Variants in SLC27A5 observed in about 807,000 individuals in gnomAD.
The protein encoded by SLC27A5 is long-chain fatty acid transport protein 5.
Under a neutral mutation model 63.1 loss-of-function variants are expected in SLC27A5, and 47 were observed. That is an observed-to-expected ratio of 0.74 (90% CI 0.59 to 0.95). The LOEUF (loss-of-function observed/expected upper bound fraction) is 0.95. SLC27A5 is among the 40% of genes least tolerant of loss of function. The pLI, the probability that SLC27A5 is intolerant of heterozygous loss-of-function variation, is 0.00. For synonymous variants in SLC27A5, 391 were observed against 403.8 expected, an observed-to-expected ratio of 0.97 and a Z score of 0.38; for missense variants, 940 against 921.0, an observed-to-expected ratio of 1.02 and a Z score of -0.27.
At chr19:58,511,231 GC>G in intron 1 of SLC27A5, 36 bp downstream of exon 1, 3 of 1,506,548 alleles carry the variant, frequency 2.0e-6, no homozygotes, top group Non-Finnish European at 1.8e-6. Flanking sequence ...CCCTGCCCTT[GC>G]CCCCTTCCAT....
At position 58,498,469 on chromosome 19, in the gene SLC27A5, G is replaced by C; in HGVS notation, c.*46C>G. 1 of 1,553,548 alleles carries C rather than the reference G, an allele frequency of 6.4e-7. No homozygotes were observed. Among genetic ancestry groups the C allele is most frequent in the Non-Finnish European group, 8.8e-7 (1 of 1,142,066 alleles). ...AAAGGGACACCGAGTGTGTTGGGGT[G>C]GGGGTGGCTGGCTTTGATCCCTACC... On this transcript the variant is annotated 3_prime_UTR_variant, in exon 10 of 10. Coordinates refer to ENST00000263093, the MANE Select transcript of SLC27A5 (RefSeq NM_012254.3).
chr19:58,511,033 G>T, intron 1 of SLC27A5, 103 bp from the exon 2 acceptor site: 1 of 1,033,132 alleles, frequency 9.7e-7, no homozygotes, highest in Non-Finnish European at 1.4e-6. Flanking sequence ...AGCTAGTAGA[G>T]AAAAGCATCC....
Position 58,511,409 on chromosome 19 carries a change from G to A in SLC27A5, c.547C>T (p.Gln183Ter), listed in dbSNP as rs964208349. The A allele has an allele frequency of 1.2e-6, 2 of 1,607,656 alleles. No individual in the cohort carries two copies. Among genetic ancestry groups the A allele is most frequent in the Admixed American group, 1.7e-5 (1 of 59,306 alleles). The change falls in exon 1 of 10, where the codon CAG becomes TAG. Residue 183 changes from glutamine to a stop codon, truncating the protein, a stop_gained. Transcript: ENST00000263093. LOFTEE classifies it high-confidence loss of function. ...EPTALLVLAS[Q>*]AVPALCMWLG... ...CACATACACAGGGCTGGAACGGCCTGGGAAGCCAGCACAAGGAGGGCAGTA... is the reference window on the plus strand; with the variant it reads ...CACATACACAGGGCTGGAACGGCCTAGGAAGCCAGCACAAGGAGGGCAGTA...
intron 6 of SLC27A5, among the ~76,000 whole-genome samples, 160 bp downstream of exon 6, chr19:58,500,179 A>G (rs2053257314): frequency 6.6e-6 from 1 of 151,960 alleles, no homozygotes; most frequent in Non-Finnish European, 1.5e-5. Context: ...CGGAGGCCCC[A>G]GATGGTGGTA....
chr19:58,500,269 C>T (rs1235425375), intron 6 of SLC27A5, 70 bp downstream of exon 6: 9 of 1,313,500 alleles, frequency 6.9e-6, no homozygotes, highest in Admixed American at 1.7e-5. Context: ...TTGAGCAGCT[C>T]GTTCCAGCCA....
Position 58,499,616 on chromosome 19 carries a change from A to T in SLC27A5, c.1543T>A (p.Ser515Thr), listed in dbSNP as rs765143824. The T allele has an allele frequency of 1.9e-6, 3 of 1,612,144 alleles. No homozygotes were observed. The highest frequency in any genetic ancestry group is 2.2e-5 in the South Asian group (2 of 91,016). The part of the protein sequence containing the change: ...FVGYRGPREL[S>T]ERKLVRNVRQ... Reference sequence around the variant, plus strand: ...ACGTTGCGCACCAGCTTCCGTTCCGACAGCTCTCGGGGGCCGCGGTAGCCC... The same window carrying T: ...ACGTTGCGCACCAGCTTCCGTTCCGTCAGCTCTCGGGGGCCGCGGTAGCCC... The change falls in exon 7 of 10, where the codon TCG becomes ACG. Residue 515 changes from serine (S) to threonine (T), a missense_variant. Transcript: ENST00000263093.
intron 3 of SLC27A5, among the ~76,000 whole-genome samples, chr19:58,503,136 C>A (rs1245667408): frequency 6.8e-6 from 1 of 147,614 alleles, no homozygotes; most frequent in African/African-American, 2.5e-5. Flanking sequence ...ACCTGGGAGG[C>A]GGAGCTTGCA....
chr19:58,502,246 G>T (rs2053282659), intron 3 of SLC27A5, among the ~76,000 whole-genome samples: 1 of 151,704 alleles, frequency 6.6e-6, no homozygotes, highest in Non-Finnish European at 1.5e-5. Context: ...GTGAGTAGAT[G>T]GATGGGTGAC....
chr19:58,511,168 C>T, intron 1 of SLC27A5, 100 bp downstream of exon 1: 2 of 1,254,988 alleles, frequency 1.6e-6, no homozygotes, highest in Middle Eastern at 2.9e-4. Context: ...TGAAAGTAGG[C>T]AGGTGGGGAC....
chr19:58,501,674 T>G (rs1174166102), intron 3 of SLC27A5, among the ~76,000 whole-genome samples: 2 of 152,170 alleles, frequency 1.3e-5, no homozygotes, highest in Non-Finnish European at 2.9e-5. Flanking sequence ...AAATATTAAA[T>G]TTTTTATTTT....
In SLC27A5 at chr19:58,511,667, T is replaced by A; in HGVS notation, c.289A>T (p.Ile97Phe). 1 of 1,592,016 alleles carries A rather than the reference T, an allele frequency of 6.3e-7. No homozygotes were observed. The change falls in exon 1 of 10, where the codon ATC becomes TTC. Residue 97 changes from isoleucine to phenylalanine, a missense_variant. Transcript: ENST00000263093. Reference protein sequence around the residue: ...LPADVIFLAKILHLGLKIRGC... With the variant: ...LPADVIFLAKFLHLGLKIRGC... ...CTGATCTTCAGGCCCAGGTGGAGGA[T>A]CTTGGCCAAGAAGATCACATCAGCC...
Position 58,498,631 on chromosome 19 carries a change from A to C in SLC27A5, c.1957T>G (p.Phe653Val), listed in dbSNP as rs1007194327. The C allele has an allele frequency of 2.5e-6, 4 of 1,614,016 alleles. No homozygotes were observed. The East Asian group carries it at 8.9e-5, about 36-fold the overall frequency. The part of the protein sequence containing the change: ...LMKTRLVREG[F>V]NVGIVVDPLF... ...GGGTCAACCACGATCCCCACATTGA[A>C]GCCCTCACGCACCAACCGGGTCTTC... Residue 653 changes from phenylalanine to valine, a missense_variant, in exon 10 of 10, where the codon TTC becomes GTC. Coordinates refer to ENST00000263093, the MANE Select transcript of SLC27A5 (RefSeq NM_012254.3).
intron 4 of SLC27A5, 194 bp from the exon 5 acceptor site, chr19:58,500,900 C>T: frequency 2.1e-6 from 3 of 1,410,686 alleles, no homozygotes; most frequent in Non-Finnish European, 2.8e-6. Context: ...AGAGGGTTAC[C>T]TGCAGGGGCG....
Position 58,498,890 on chromosome 19 carries a change from A to C in SLC27A5, c.1791T>G (p.Ala597=), listed in dbSNP as rs775274046. ...TCTGGCCGGGGGCTAGCTGCACAGCAGCCATGCCCACCTTACCCTCACAAC... is the reference window on the plus strand; with the variant it reads ...TCTGGCCGGGGGCTAGCTGCACAGCCGCCATGCCCACCTTACCCTCACAAC... ...VPGCEGKVGM[A]AVQLAPGQTF... The change falls in exon 9 of 10, where the codon GCT becomes GCG. Residue 597 remains alanine, a synonymous_variant. Transcript: ENST00000263093. The C allele has an allele frequency of 1.2e-6, 2 of 1,613,312 alleles. No individual in the cohort carries two copies. Among genetic ancestry groups the C allele is most frequent in the Non-Finnish European group, 8.5e-7 (1 of 1,180,024 alleles).
intron 6 of SLC27A5, 51 bp from the exon 7 acceptor site, chr19:58,499,741 C>CT: frequency 6.3e-7 from 1 of 1,576,428 alleles, no homozygotes. Context: ...GCCAAGCCCC[C>CT]TGCTGGAGGT....
chr19:58,507,676 G>C (rs1019942371), intron 3 of SLC27A5: 1 of 152,152 alleles, frequency 6.6e-6, no homozygotes, highest in Non-Finnish European at 1.5e-5. Context: ...ATAAGTGGAC[G>C]TGCAAGTAGG....
intron 3 of SLC27A5, among the ~76,000 whole-genome samples, chr19:58,505,978 C>G (rs915397873): frequency 6.6e-6 from 1 of 151,706 alleles, no homozygotes; most frequent in Non-Finnish European, 1.5e-5. Context: ...TGGTTAAACC[C>G]TGTCTCTACT....
Position 58,498,582 on chromosome 19 carries a change from G to C in SLC27A5, c.2006C>G (p.Ala669Gly), listed in dbSNP as rs145618122. The change falls in exon 10 of 10, where the codon GCC (alanine) becomes GGC (glycine). Residue 669 changes from alanine (A) to glycine (G), a missense_variant. Coordinates refer to ENST00000263093, the MANE Select transcript of SLC27A5 (RefSeq NM_012254.3). ...TGCCGTCAGGGGCCGGAAGGACTGGGCCCGGTTGTCCAGTACAAACAGAGG... is the reference window on the plus strand; with the variant it reads ...TGCCGTCAGGGGCCGGAAGGACTGGCCCCGGTTGTCCAGTACAAACAGAGG... ...VDPLFVLDNR[A>G]QSFRPLTAEM... 9,988 of 1,614,064 alleles carry C rather than the reference G, an allele frequency of 6.2e-3. 109 individuals carry two copies. Among genetic ancestry groups the C allele is most frequent in the Middle Eastern group, 0.022 (136 of 6,062 alleles).
intron 3 of SLC27A5, among the ~76,000 whole-genome samples, chr19:58,503,293 G>T (rs898147466): frequency 1.3e-5 from 2 of 151,964 alleles, no homozygotes; most frequent in African/African-American, 4.8e-5. Flanking sequence ...GAGTGAGGAA[G>T]TAGGTGAGTA....
Sources: allele counts gnomAD v4.1 joint callset (sites outside exome capture counted in the v4.1 genomes callset), GRCh38; gene constraint gnomAD v4.1.1; transcripts MANE v1.5; gene names NCBI Gene and HGNC (gene_info 2026-07-23, HGNC 2026-07-21).